NCAPG: variants seen among roughly 807,000 people sequenced by gnomAD.
The protein encoded by NCAPG is non-SMC condensin I complex subunit G.
In NCAPG, 69 loss-of-function variants were observed where a neutral mutation model predicts 113.1. That is an observed-to-expected ratio of 0.61 (90% confidence interval 0.50 to 0.75). The LOEUF (loss-of-function observed/expected upper bound fraction) is 0.75. NCAPG is among the 30% of genes least tolerant of loss of function. The probability of loss-of-function intolerance (pLI) is 0.00; values close to 1 mark genes in which losing one functional copy is unlikely to be tolerated. For missense variants in NCAPG, 1,058 were observed against 1,177.0 expected (o/e 0.90, Z 1.48); for synonymous variants, 370 against 415.8 (o/e 0.89, Z 1.34).
chr4:17,817,185 A>T, intron 5 of NCAPG, 76 bp from the exon 6 acceptor site: 1 of 1,040,276 alleles, frequency 9.6e-7, no homozygotes, highest in Non-Finnish European at 1.4e-6. Context: ...TGACTTTGTT[A>T]ATTAAAACAG....
chr4:17,841,822 G>T, intron 19 of NCAPG: 1 of 153,206 alleles, frequency 6.5e-6, no homozygotes, highest in South Asian at 2.0e-4. Context: ...ATTTGAATTG[G>T]TCATGTATGT....
intron 7 of NCAPG, among the ~76,000 whole-genome samples, 192 bp from the exon 8 acceptor site, chr4:17,822,791 T>C (rs938939185): frequency 2.0e-5 from 3 of 152,180 alleles, no homozygotes; most frequent in African/African-American, 7.2e-5. Context: ...TTCTTTTGAT[T>C]CATCAATAAG....
chr4:17,827,230 G>A (rs1271791215), intron 11 of NCAPG, among the ~76,000 whole-genome samples: 1 of 152,206 alleles, frequency 6.6e-6, no homozygotes, highest in Non-Finnish European at 1.5e-5. Context: ...GAAAAATTAA[G>A]GGCTAGGTCA....
At chr4:17,818,686 G>T (rs946021507) in intron 7 of NCAPG, among the ~76,000 whole-genome samples, 3 of 152,192 alleles carry the variant, frequency 2.0e-5, no homozygotes, top group Non-Finnish European at 4.4e-5. Flanking sequence ...CCAATTCACA[G>T]CGTGGATCTT....
At chr4:17,842,421 C>T (rs1722501546) in intron 20 of NCAPG, 42 bp downstream of exon 20, 1 of 1,501,092 alleles carries the variant, frequency 6.7e-7, no homozygotes, top group Non-Finnish European at 9.2e-7. Context: ...CCTATCTTCA[C>T]TTTTTATTTC....
intron 18 of NCAPG, 110 bp downstream of exon 18, chr4:17,840,319 A>G (rs1166358415): frequency 1.9e-5 from 23 of 1,197,804 alleles, no homozygotes; most frequent in Non-Finnish European, 2.4e-5. Flanking sequence ...TCAGAAATGA[A>G]TGAAATTTTT....
Position 17,817,458 on chromosome 4 carries a change from AT to A in NCAPG, c.968+6del, listed in dbSNP as rs1210493693. The A allele has an allele frequency of 1.9e-6, 3 of 1,610,920 alleles. No homozygotes were observed. The African/African-American group carries it at 4.0e-5, about 22-fold the overall frequency. ...CTGTAAAAACAATGATGGCAGGTACATAAAGGATTCATTCTTTGAAATGTAG... is the reference window on the plus strand; with the variant it reads ...CTGTAAAAACAATGATGGCAGGTACAAAAGGATTCATTCTTTGAAATGTAG... On this transcript the variant is annotated splice_donor_region_variant and intron_variant, in intron 6 of 20. Transcript: ENST00000251496.
intron 7 of NCAPG, among the ~76,000 whole-genome samples, chr4:17,821,071 G>T (rs546528852): frequency 6.6e-6 from 1 of 152,112 alleles, no homozygotes; most frequent in East Asian, 1.9e-4. Context: ...TTGTATTTAT[G>T]CAGTTGAGGA....
rs1722633229 is a variant in NCAPG at position 17,843,514 on chromosome 4, A to C, written c.*89A>C. On this transcript the variant is annotated 3_prime_UTR_variant, in exon 21 of 21. Transcript: ENST00000251496. ...GTTACCCTTGTCAAAATCAGAACAAACCTGATGTCTTTCTGAAGATTTTCT... is the reference window on the plus strand; with the variant it reads ...GTTACCCTTGTCAAAATCAGAACAACCCTGATGTCTTTCTGAAGATTTTCT... 1 of 1,430,192 alleles carries C rather than the reference A, an allele frequency of 7.0e-7. No homozygotes were observed. The highest frequency in any genetic ancestry group is 2.0e-5 in the Admixed American group (1 of 49,402). 88.6% of individuals were successfully genotyped at this position (1,430,192 alleles called of 1,614,324 possible).
chr4:17,812,281 G>T lies in NCAPG; in HGVS notation c.172G>T (p.Val58Phe), dbSNP rs1721015056. 1 of 1,613,678 alleles carries T rather than the reference G, an allele frequency of 6.2e-7. No homozygotes were observed. Among genetic ancestry groups the T allele is most frequent in the East Asian group, 2.2e-5 (1 of 44,786 alleles). ...FIHYLKYVMV[V>F]YKREPAVERV... ...TCATTACCTTAAATATGTTATGGTG[G>T]TCTATAAACGTGAACCAGCTGTGGA... The change falls in exon 2 of 21, where the codon GTC becomes TTC. Residue 58 changes from valine (V) to phenylalanine (F), a missense_variant. Coordinates refer to ENST00000251496, the MANE Select transcript of NCAPG (RefSeq NM_022346.5).
chr4:17,837,851 C>G, intron 16 of NCAPG, 50 bp downstream of exon 16: 1 of 1,597,994 alleles, frequency 6.3e-7, no homozygotes, highest in Non-Finnish European at 8.6e-7. Context: ...GTAAAATAAT[C>G]TCTCTCAAAG....
chr4:17,834,337 T>C lies in NCAPG; in HGVS notation c.1923T>C (p.Ala641=). The C allele has an allele frequency of 1.9e-6, 3 of 1,604,436 alleles. No homozygotes were observed. The highest frequency in any genetic ancestry group is 2.2e-5 in the South Asian group (2 of 89,456). The change falls in exon 14 of 21, where the codon GCT becomes GCC. Residue 641 remains alanine (A), a synonymous_variant. Coordinates refer to ENST00000251496, the MANE Select transcript of NCAPG (RefSeq NM_022346.5). ...ATGATGTCACAATAAAAATAAGTGC[T>C]TTAAAGGCAATCTTTGACCAACTGA... ...QIDDVTIKIS[A]LKAIFDQLMT... is the part of the protein sequence containing the mutation.
intron 3 of NCAPG, chr4:17,813,415 AT>A (rs1560221310): frequency 1.3e-5 from 3 of 235,246 alleles, no homozygotes; most frequent in East Asian, 8.6e-5. Flanking sequence ...ATTAAAAAAA[AT>A]TTTTTTGCAT....
intron 13 of NCAPG, 46 bp from the exon 14 acceptor site, chr4:17,834,253 C>A: frequency 8.1e-7 from 1 of 1,239,520 alleles, no homozygotes; most frequent in Non-Finnish European, 1.1e-6. Context: ...AGAAACAAAA[C>A]AGTTTACTGA....
intron 13 of NCAPG, among the ~76,000 whole-genome samples, 187 bp downstream of exon 13, chr4:17,831,303 C>T (rs1245685139): frequency 3.3e-5 from 5 of 152,060 alleles, no homozygotes; most frequent in Non-Finnish European, 7.4e-5. Flanking sequence ...AGATGAAACG[C>T]CAATTATGTA....
At chr4:17,823,853 G>A (rs534544052) in intron 9 of NCAPG, 83 bp downstream of exon 9, 12 of 1,158,920 alleles carry the variant, frequency 1.0e-5, no homozygotes, top group Non-Finnish European at 1.5e-5. Context: ...AGAACTTTTT[G>A]TTTTGTCTGT....
intron 12 of NCAPG, among the ~76,000 whole-genome samples, chr4:17,830,395 A>T (rs1721814820): frequency 6.6e-6 from 1 of 152,056 alleles, no homozygotes; most frequent in Admixed American, 6.6e-5. Context: ...TCTGTCTCAA[A>T]AAAAAAAGAA....
intron 9 of NCAPG, 130 bp downstream of exon 9, chr4:17,823,900 T>C (rs1201393097): frequency 7.1e-6 from 5 of 705,034 alleles, no homozygotes; most frequent in Non-Finnish European, 1.1e-5. Flanking sequence ...AGTTTTAAAA[T>C]TTCTTAAAAC....
intron 5 of NCAPG, among the ~76,000 whole-genome samples, chr4:17,815,671 A>G (rs1721174257): frequency 6.6e-6 from 1 of 152,064 alleles, no homozygotes; most frequent in African/African-American, 2.4e-5. Flanking sequence ...ATTACAGGTG[A>G]ACATCACCAT....
Sources: gnomAD v4.1 joint callset for allele counts (sites outside exome capture counted in the v4.1 genomes callset) on GRCh38, gnomAD v4.1.1 for gene constraint, MANE v1.5 for transcripts, NCBI Gene and HGNC (gene_info 2026-07-23, HGNC 2026-07-21) for gene names.